Variants in ARHGAP26 observed in about 807,000 individuals in gnomAD.
ARHGAP26 encodes the protein rho GTPase-activating protein 26.
In ARHGAP26, 38 loss-of-function variants were observed where a neutral mutation model predicts 104.8. The observed-to-expected ratio is 0.36, with a 90% confidence interval of 0.28 to 0.48. The LOEUF is 0.48. Among genes scored for constraint, ARHGAP26 ranks in the 20% least tolerant of loss-of-function variants. The pLI is 0.99. For missense variants in ARHGAP26, 704 were observed against 947.9 expected (o/e 0.74, Z 3.38); for synonymous variants, 341 against 340.0 (o/e 1.00, Z -0.03).
At chr5:143,179,703 C>T (rs897427489) in intron 20 of ARHGAP26, among the ~76,000 whole-genome samples, 3 of 152,184 alleles carry the variant, frequency 2.0e-5, no homozygotes, top group African/African-American at 7.2e-5. Context: ...CCTTTTATTT[C>T]CCATTTAAAA....
At chr5:142,805,556 C>G (rs1762839949) in intron 1 of ARHGAP26, among the ~76,000 whole-genome samples, 1 of 152,066 alleles carries the variant, frequency 6.6e-6, no homozygotes, top group Non-Finnish European at 1.5e-5. Context: ...ATTGCTAGGT[C>G]ATGTGGTAAG....
At chr5:142,988,227 A>G (rs935869554) in intron 11 of ARHGAP26, among the ~76,000 whole-genome samples, 3 of 152,172 alleles carry the variant, frequency 2.0e-5, no homozygotes, top group Admixed American at 1.3e-4. Context: ...GGGAGGGTGT[A>G]TGTGTCGTGG....
intron 12 of ARHGAP26, among the ~76,000 whole-genome samples, chr5:143,017,155 G>A (rs1779705393): frequency 6.6e-6 from 1 of 152,226 alleles, no homozygotes; most frequent in South Asian, 2.1e-4. Context: ...TCTAGGAAAT[G>A]TTTTGGTGGG....
At chr5:142,991,151 C>A (rs1441760756) in intron 11 of ARHGAP26, among the ~76,000 whole-genome samples, 1 of 152,226 alleles carries the variant, frequency 6.6e-6, no homozygotes, top group Non-Finnish European at 1.5e-5. Context: ...CCTACTCAAG[C>A]CTCAGCAAAG....
chr5:142,830,063 G>C (rs897701700), intron 1 of ARHGAP26, among the ~76,000 whole-genome samples: 3 of 152,174 alleles, frequency 2.0e-5, no homozygotes, highest in African/African-American at 7.2e-5. Flanking sequence ...ACCTTTTCAA[G>C]TTTATTGGTG....
intron 1 of ARHGAP26, among the ~76,000 whole-genome samples, chr5:142,857,640 C>CCCTA (rs34114847): frequency 0.12 from 18,845 of 152,108 alleles, 1,368 homozygotes; most frequent in South Asian, 0.3. Flanking sequence ...TAATTAATGA[C>CCCTA]CCTAGCAAAC....
chr5:143,191,755 A>G (rs924541109), intron 20 of ARHGAP26, among the ~76,000 whole-genome samples: 1 of 152,198 alleles, frequency 6.6e-6, no homozygotes, highest in Non-Finnish European at 1.5e-5. Flanking sequence ...GAGAATGAAT[A>G]CTGAAACACA....
At chr5:143,131,730 C>T (rs1400429127) in intron 18 of ARHGAP26, among the ~76,000 whole-genome samples, 2 of 152,222 alleles carry the variant, frequency 1.3e-5, no homozygotes, top group African/African-American at 4.8e-5. Flanking sequence ...ACTTGCTATG[C>T]TGTTGGCCTC....
At chr5:142,986,668 A>C (rs1327553225) in intron 11 of ARHGAP26, among the ~76,000 whole-genome samples, 1 of 152,156 alleles carries the variant, frequency 6.6e-6, no homozygotes. Context: ...ATCCATCTTG[A>C]ATTAATGTTT....
intron 12 of ARHGAP26, among the ~76,000 whole-genome samples, chr5:143,025,488 T>C (rs1203144291): frequency 6.6e-6 from 1 of 152,184 alleles, no homozygotes; most frequent in African/African-American, 2.4e-5. Flanking sequence ...ATGATCTCTT[T>C]CGGTTGAGAA....
chr5:143,083,548 A>C (rs1258262695), intron 17 of ARHGAP26, among the ~76,000 whole-genome samples: 2 of 152,126 alleles, frequency 1.3e-5, no homozygotes, highest in Non-Finnish European at 2.9e-5. Flanking sequence ...GCCCAGGCTG[A>C]AGTGCAGGGA....
At chr5:143,164,916 C>T (rs1373508567) in intron 20 of ARHGAP26, 2 of 152,178 alleles carry the variant, frequency 1.3e-5, no homozygotes, top group African/African-American at 4.8e-5. Flanking sequence ...AATATATAAT[C>T]AGTGTGTCGG....
intron 11 of ARHGAP26, among the ~76,000 whole-genome samples, chr5:142,962,050 G>T (rs1770344135): frequency 6.6e-6 from 1 of 152,170 alleles, no homozygotes; most frequent in Non-Finnish European, 1.5e-5. Flanking sequence ...TTGGTACTGA[G>T]ACTGAGTTAA....
chr5:142,804,680 C>T (rs753157915), intron 1 of ARHGAP26, among the ~76,000 whole-genome samples: 2 of 151,838 alleles, frequency 1.3e-5, no homozygotes, highest in African/African-American at 2.4e-5. Context: ...TTAGTAGAGA[C>T]GGGGTTTCAC....
chr5:142,944,694 A>G (rs1299389839), intron 11 of ARHGAP26, among the ~76,000 whole-genome samples: 1 of 152,132 alleles, frequency 6.6e-6, no homozygotes, highest in Non-Finnish European at 1.5e-5. Context: ...ATCCTTTTTT[A>G]TACAAAAATG....
At chr5:143,016,174 A>G (rs1445626375) in intron 12 of ARHGAP26, among the ~76,000 whole-genome samples, 1 of 152,230 alleles carries the variant, frequency 6.6e-6, no homozygotes, top group Non-Finnish European at 1.5e-5. Context: ...AATGATTGAA[A>G]TTTTAAAAAA....
chr5:142,866,028 CTTTTTTCTT>C (rs1395704454), intron 1 of ARHGAP26, among the ~76,000 whole-genome samples: 2 of 146,122 alleles, frequency 1.4e-5, no homozygotes, highest in East Asian at 4.4e-4. Context: ...TGTTCTTTTT[CTTTTTTCTT>C]TTTTTTTTTT....
chr5:143,078,495 C>T (rs932619734), intron 17 of ARHGAP26, among the ~76,000 whole-genome samples: 6 of 152,128 alleles, frequency 3.9e-5, no homozygotes, highest in African/African-American at 1.2e-4. Flanking sequence ...GAGATTGATT[C>T]AGTCTGCTTT....
chr5:142,861,701 C>A (rs774041093), intron 1 of ARHGAP26, among the ~76,000 whole-genome samples: 1 of 152,178 alleles, frequency 6.6e-6, no homozygotes, highest in Non-Finnish European at 1.5e-5. Flanking sequence ...TGAGTGTTTG[C>A]TGCCGGCCAG....
Sources: allele counts gnomAD v4.1 joint callset (sites outside exome capture counted in the v4.1 genomes callset), GRCh38; gene constraint gnomAD v4.1.1; transcripts MANE v1.5; gene names NCBI Gene and HGNC (gene_info 2026-07-23, HGNC 2026-07-21).